EPPK1: variants seen among roughly 807,000 people sequenced by gnomAD.
EPPK1 encodes the protein epiplakin 1.
For missense variants in EPPK1, 3,823 were observed against 3,673.3 expected (o/e 1.04, Z -1.05); for synonymous variants, 1,862 against 1,721.2 (o/e 1.08, Z -2.03).
chr8:143,872,416 AGCGCCGCACCTCGGCACGTG>A lies in EPPK1; in HGVS notation c.818_837del (p.Ala273ValfsTer75). Reference sequence around the variant, plus strand: ...GCCACGCTGCCGGTACCCTCCAGGTAGCGCCGCACCTCGGCACGTGCACTCACGTCCACTGCGGCCAGCCT... The same window carrying A: ...GCCACGCTGCCGGTACCCTCCAGGTACACTCACGTCCACTGCGGCCAGCCT... On this transcript the variant is annotated frameshift_variant, in exon 2 of 2. Coordinates refer to ENST00000615648, the MANE Select transcript of EPPK1 (RefSeq NM_031308.4). LOFTEE classifies it low-confidence loss of function (END_TRUNC). 1.9e-6 allele frequency: 3 copies of A among 1,601,750 alleles called. No homozygotes were observed. Among genetic ancestry groups the A allele is most frequent in the Non-Finnish European group, 2.5e-6 (3 of 1,179,330 alleles).
In EPPK1 at chr8:143,867,773, C is replaced by G; in HGVS notation, c.5481G>C (p.Leu1827Phe). Residue 1827 changes from leucine (L) to phenylalanine (F), a missense_variant, in exon 2 of 2, where the codon TTG becomes TTC. Physicochemically the swap from Leu to Phe is conservative, Grantham distance 22 (BLOSUM62 0). Coordinates refer to ENST00000615648, the MANE Select transcript of EPPK1 (RefSeq NM_031308.4). Reference protein sequence around the residue: ...YGAQSGGLEKLLEIITTTIEE... With the variant: ...YGAQSGGLEKFLEIITTTIEE... ...CAATTGTCGTGGTGATGATTTCCAG[C>G]AATTTCTCCAGGCCCCCACTCTGGG... 6.2e-7 allele frequency: 1 copy of G among 1,613,724 alleles called. No individual in the cohort carries two copies.
chr8:143,869,570 C>A lies in EPPK1; in HGVS notation c.3684G>T (p.Ser1228=). The change falls in exon 2 of 2, where the codon TCG becomes TCT. Residue 1228 remains serine, a synonymous_variant. Coordinates refer to ENST00000615648, the MANE Select transcript of EPPK1 (RefSeq NM_031308.4). ...TLEALAQGTQ[S]PAQVAEQPAV... is the part of the protein sequence containing the mutation. ...CCGGCTGCTCGGCGACCTGGGCGGG[C>A]GACTGCGTGCCCTGAGCCAGGGCCT... 1 of 1,559,016 alleles carries A rather than the reference C, an allele frequency of 6.4e-7. No homozygotes were observed. The highest frequency in any genetic ancestry group is 1.2e-5 in the South Asian group (1 of 85,956).
In EPPK1 at chr8:143,870,603, C is replaced by T. The variant is rs201462183; in HGVS notation, c.2651G>A (p.Arg884Gln). ...RQADIMLPAL[R>Q]SRVTVHQLLE... is the part of the protein sequence containing the mutation. Reference sequence around the variant, plus strand: ...GAGCTGGTGGACGGTGACCCGGCTCCGCAGTGCGGGCAGCATGATGTCCGC... The same window carrying T: ...GAGCTGGTGGACGGTGACCCGGCTCTGCAGTGCGGGCAGCATGATGTCCGC... Residue 884 changes from arginine (R) to glutamine (Q), a missense_variant, in exon 2 of 2, where the codon CGG (arginine) becomes CAG (glutamine). Coordinates refer to ENST00000615648, the MANE Select transcript of EPPK1 (RefSeq NM_031308.4). The surrounding 1 kb of genome is among the most constrained non-coding windows in gnomAD (Gnocchi z 5.2). The T allele has an allele frequency of 1.3e-4, 207 of 1,607,610 alleles. 1 individual carries two copies. The African/African-American group carries it at 2.0e-3, about 16-fold the overall frequency.
At position 143,871,883 on chromosome 8, in the gene EPPK1, G is replaced by A. The variant is rs1237348954; in HGVS notation, c.1371C>T (p.Thr457=). Residue 457 remains threonine, a synonymous_variant, in exon 2 of 2, where the codon ACC becomes ACT. Coordinates refer to ENST00000615648, the MANE Select transcript of EPPK1 (RefSeq NM_031308.4). ...RYEQLLALCV[T]DPETGLAFLP... is the part of the protein sequence containing the mutation. ...GGAAGGCAAGCCCGGTCTCTGGGTC[G>A]GTGACACAGAGGGCCAGCAGCTGTT... 19 of 1,609,960 alleles carry A rather than the reference G, an allele frequency of 1.2e-5. No homozygotes were observed. Among genetic ancestry groups the A allele is most frequent in the South Asian group, 8.8e-5 (8 of 91,058 alleles).
chr8:143,871,428 G>A lies in EPPK1; in HGVS notation c.1826C>T (p.Thr609Met), dbSNP rs201364082. ...LASVQRYLQGTGCIAGLLLPG... is the reference protein window; with the variant it reads ...LASVQRYLQGMGCIAGLLLPG... ...GAGCAGCAGGCCAGCAATGCAGCCC[G>A]TACCCTGCAGGTACCTCTGCACCGA... Residue 609 changes from threonine (T) to methionine (M), a missense_variant, in exon 2 of 2, where the codon ACG (threonine) becomes ATG (methionine). Thr to Met is a moderately conservative substitution (Grantham distance 81). Coordinates refer to ENST00000615648, the MANE Select transcript of EPPK1 (RefSeq NM_031308.4). 1.3e-4 allele frequency: 205 copies of A among 1,604,190 alleles called. 1 individual carries two copies. Among genetic ancestry groups the A allele is most frequent in the Admixed American group, 1.3e-3 (74 of 59,006 alleles).
At chr8:143,877,892 C>T (rs942140945) in intron 1 of EPPK1, among the ~76,000 whole-genome samples, 1 of 152,040 alleles carries the variant, frequency 6.6e-6, no homozygotes, top group Non-Finnish European at 1.5e-5. Context: ...GGTCTCCAGG[C>T]GACCGTGTGA....
At chr8:143,878,182 G>A (rs1819517750) in intron 1 of EPPK1, among the ~76,000 whole-genome samples, 2 of 151,690 alleles carry the variant, frequency 1.3e-5, no homozygotes, top group South Asian at 4.2e-4. Flanking sequence ...CGGCGCCCGG[G>A]ACTCAGGGGC....
At chr8:143,873,539 C>T (rs1420717692) in intron 1 of EPPK1, among the ~76,000 whole-genome samples, 2 of 152,044 alleles carry the variant, frequency 1.3e-5, no homozygotes, top group African/African-American at 2.4e-5. Flanking sequence ...GGAGGCCTCT[C>T]GGGACTCCAG....
rs1554659543 is a variant in EPPK1 at position 143,867,631 on chromosome 8, C to T, written c.5623G>A (p.Val1875Met). 6.2e-7 allele frequency: 1 copy of T among 1,613,388 alleles called. No individual in the cohort carries two copies. Among genetic ancestry groups the T allele is most frequent in the Non-Finnish European group, 8.5e-7 (1 of 1,179,880 alleles). ...AGTGCCTGTCCCCCAGTCCTCCCCA[C>T]ACGAAGTGTGTGCAGGGTCTTCTGA... The part of the protein sequence containing the change: ...IDQKTLHTLR[V>M]GRTGGQALST... Residue 1875 changes from valine to methionine, a missense_variant, in exon 2 of 2, where the codon GTG becomes ATG. Transcript: ENST00000615648.
At position 143,869,265 on chromosome 8, in the gene EPPK1, G is replaced by A. The variant is rs1554660277; in HGVS notation, c.3989C>T (p.Pro1330Leu). 6.2e-7 allele frequency: 1 copy of A among 1,607,632 alleles called. No homozygotes were observed. The highest frequency in any genetic ancestry group is 2.2e-5 in the East Asian group (1 of 44,816). The change falls in exon 2 of 2, where the codon CCC becomes CTC. Residue 1330 changes from proline (P) to leucine (L), a missense_variant. Coordinates refer to ENST00000615648, the MANE Select transcript of EPPK1 (RefSeq NM_031308.4). Reference sequence around the variant, plus strand: ...CAGAGAGAGGGAGGCCCTAGAGTAGGGATCTGGGTACCCGGCCGCCGCCCT... The same window carrying A: ...CAGAGAGAGGGAGGCCCTAGAGTAGAGATCTGGGTACCCGGCCGCCGCCCT... The part of the protein sequence containing the change: ...AERAAAGYPD[P>L]YSRASLSLWQ...
chr8:143,877,033 C>A (rs1353075281), intron 1 of EPPK1, among the ~76,000 whole-genome samples: 1 of 152,266 alleles, frequency 6.6e-6, no homozygotes, highest in East Asian at 1.9e-4. Flanking sequence ...AGAGGAGATC[C>A]AGGGAGGAAG....
chr8:143,869,579 G>A lies in EPPK1; in HGVS notation c.3675C>T (p.Gly1225=), dbSNP rs1554660408. Residue 1225 remains glycine, a synonymous_variant, in exon 2 of 2, where the codon GGC becomes GGT. Transcript: ENST00000615648. ...CGGCGACCTGGGCGGGCGACTGCGT[G>A]CCCTGAGCCAGGGCCTCAAGGGTCT... is the stretch of plus-strand genomic sequence containing the variant. ...TQETLEALAQ[G]TQSPAQVAEQ... The A allele has an allele frequency of 3.8e-6, 6 of 1,562,874 alleles. No individual in the cohort carries two copies. Among genetic ancestry groups the A allele is most frequent in the Non-Finnish European group, 5.2e-6 (6 of 1,154,888 alleles).
chr8:143,874,225 G>A (rs1248037239), intron 1 of EPPK1, among the ~76,000 whole-genome samples: 3 of 152,198 alleles, frequency 2.0e-5, no homozygotes, highest in Admixed American at 6.5e-5. Context: ...AGCAGCAGGT[G>A]CCTCACCTCC....
rs1554661689 is a variant in EPPK1 at position 143,872,735 on chromosome 8, T to C, written c.519A>G (p.Pro173=). The part of the protein sequence containing the change: ...PAQGVLVAPE[P]ACHQGLLDRE... ...GGTCCAGGAGGCCCTGGTGGCAGGC[T>C]GGCTCAGGGGCCACGAGCACTCCCT... is the stretch of plus-strand genomic sequence containing the variant. Residue 173 remains proline (P), a synonymous_variant, in exon 2 of 2, where the codon CCA becomes CCG. Coordinates refer to ENST00000615648, the MANE Select transcript of EPPK1 (RefSeq NM_031308.4). The C allele has an allele frequency of 3.1e-6, 5 of 1,594,460 alleles. No homozygotes were observed. Among genetic ancestry groups the C allele is most frequent in the Middle Eastern group, 1.7e-4 (1 of 5,982 alleles).
rs150650158 is a variant in EPPK1 at position 143,866,958 on chromosome 8, G to A, written c.6296C>T (p.Thr2099Met). ...TTGCTCTGCCTCCAGGGCCCTTCTC[G>A]TCTCGTCATCGATGTGCTCGGAGTC... ...ARDSEHIDDE[T>M]RRALEAEQVE... Residue 2099 changes from threonine to methionine, a missense_variant, in exon 2 of 2, where the codon ACG becomes ATG. Transcript: ENST00000615648. The A allele has an allele frequency of 2.1e-4, 340 of 1,612,706 alleles. 5 individuals are homozygous for A. In the African/African-American group the frequency reaches 2.7e-3, roughly 13 times the overall value.
rs782426216 is a variant in EPPK1, at chr8:143,872,098, C to T, written c.1156G>A (p.Val386Met). The T allele has an allele frequency of 2.0e-5, 31 of 1,558,714 alleles. No individual in the cohort carries two copies. In the African/African-American group the frequency reaches 3.9e-4, roughly 20 times the overall value. The stretch of plus-strand genomic sequence containing the variant: ...AGCCGCAGTGCCAGTGGCCTGTCCA[C>T]TAGCCCCTTCTTCATGGCCTGGAAA... Reference protein sequence around the residue: ...PLFQAMKKGLVDRPLALRLLD... With the variant: ...PLFQAMKKGLMDRPLALRLLD... Residue 386 changes from valine (V) to methionine (M), a missense_variant, in exon 2 of 2, where the codon GTG becomes ATG. Physicochemically the swap from Val to Met is conservative, Grantham distance 21. Coordinates refer to ENST00000615648, the MANE Select transcript of EPPK1 (RefSeq NM_031308.4).
chr8:143,875,503 T>G (rs557042041), intron 1 of EPPK1, among the ~76,000 whole-genome samples: 1 of 152,336 alleles, frequency 6.6e-6, no homozygotes, highest in South Asian at 2.1e-4. Context: ...GAAGCAGCAT[T>G]GCAGCTCAGC....
chr8:143,868,819 C>T lies in EPPK1; in HGVS notation c.4435G>A (p.Gly1479Ser), dbSNP rs1554660103. The change falls in exon 2 of 2, where the codon GGC becomes AGC. Residue 1479 changes from glycine to serine, a missense_variant. Physicochemically the swap from Gly to Ser is moderately conservative, Grantham distance 56 (BLOSUM62 0). Transcript: ENST00000615648. Reference sequence around the variant, plus strand: ...ACCAGCTCCCGCCGCTTGTCAGCGCCAACGTATTCGGAGAGCAGCAGGTCC... The same window carrying T: ...ACCAGCTCCCGCCGCTTGTCAGCGCTAACGTATTCGGAGAGCAGCAGGTCC... ...LWDLLLSEYV[G>S]ADKRRELVAL... The T allele has an allele frequency of 6.2e-7, 1 of 1,605,524 alleles. No homozygotes were observed.
Position 143,872,943 on chromosome 8 carries a change from A to C in EPPK1, c.311T>G (p.Val104Gly). 1 of 1,609,958 alleles carries C rather than the reference A, an allele frequency of 6.2e-7. No homozygotes were observed. The highest frequency in any genetic ancestry group is 8.5e-7 in the Non-Finnish European group (1 of 1,177,960). ...CAGCTTCTCCTTCAGCTCCAGCCCCACCAGACCCTGCTGCAGGGCCTTGGA... is the reference window on the plus strand; with the variant it reads ...CAGCTTCTCCTTCAGCTCCAGCCCCCCCAGACCCTGCTGCAGGGCCTTGGA... ...PVSKALQQGL[V>G]GLELKEKLLA... The change falls in exon 2 of 2, where the codon GTG becomes GGG. Residue 104 changes from valine (V) to glycine (G), a missense_variant. Physicochemically the swap from Val to Gly is moderately radical, Grantham distance 109. Coordinates refer to ENST00000615648, the MANE Select transcript of EPPK1 (RefSeq NM_031308.4).
Sources: allele counts gnomAD v4.1 joint callset (sites outside exome capture counted in the v4.1 genomes callset), GRCh38; gene constraint gnomAD v4.1.1; non-coding constraint Gnocchi (gnomAD v3.1); transcripts MANE v1.5; gene names NCBI Gene and HGNC (gene_info 2026-07-23, HGNC 2026-07-21).